Variants in TRIO observed in about 807,000 individuals in gnomAD.
TRIO encodes the protein triple functional domain protein.
A neutral mutation model predicts 351.9 loss-of-function variants in TRIO; 58 were observed. The ratio of observed to expected loss-of-function variants is 0.16; its 90% CI spans 0.13 to 0.21. TRIO has a LOEUF of 0.21. Among genes scored for constraint, TRIO ranks in the 10% least tolerant of loss-of-function variants. The pLI, the probability that TRIO is intolerant of heterozygous loss-of-function variation, is 1.00. For synonymous variants in TRIO, 1,758 were observed against 1,595.7 expected, an observed-to-expected ratio of 1.10 and a Z score of -2.42; for missense variants, 3,201 against 4,027.8, an observed-to-expected ratio of 0.79 and a Z score of 5.56.
intron 49 of TRIO, among the ~76,000 whole-genome samples, chr5:14,494,950 T>C (rs1173307254): frequency 1.3e-5 from 2 of 152,234 alleles, no homozygotes; most frequent in Non-Finnish European, 2.9e-5. Context: ...ATAGCTACCA[T>C]AGGCAGTGAT....
chr5:14,388,691 T>TG lies in TRIO; in HGVS notation c.3948+12_3948+13insG. ...GGGAATGTATGGATGTAAGTAAGTT[T>TG]TTTTTTTTTTTTTTTGCTTGTTTAT... On this transcript the variant is annotated intron_variant, in intron 24 of 56. Transcript: ENST00000344204. 3 of 1,437,866 alleles carry TG rather than the reference T, an allele frequency of 2.1e-6. No homozygotes were observed. The highest frequency in any genetic ancestry group is 2.8e-6 in the Non-Finnish European group (3 of 1,054,584). The allele number at this position is 1,437,866 out of a possible 1,614,324, so 89.1% of individuals were successfully genotyped here.
chr5:14,406,176 G>A (rs1748699541), intron 32 of TRIO, 186 bp downstream of exon 32: 2 of 913,960 alleles, frequency 2.2e-6, no homozygotes, highest in Non-Finnish European at 3.2e-6. Context: ...AGCCTCTATT[G>A]GCTTAGAGTA....
intron 1 of TRIO, among the ~76,000 whole-genome samples, chr5:14,197,217 C>A (rs916765802): frequency 6.6e-6 from 1 of 152,104 alleles, no homozygotes. Context: ...GCTGTGAGTC[C>A]CCTGGGCTGT....
chr5:14,166,195 G>A (rs1001541557), intron 1 of TRIO, among the ~76,000 whole-genome samples: 8 of 152,190 alleles, frequency 5.3e-5, no homozygotes, highest in Admixed American at 1.3e-4. Context: ...GACTTCACCT[G>A]GGGGTAAGCC....
At chr5:14,499,549 T>C (rs928367898) in intron 53 of TRIO, among the ~76,000 whole-genome samples, 3 of 152,230 alleles carry the variant, frequency 2.0e-5, no homozygotes, top group Admixed American at 2.0e-4. Context: ...TTAGAACTTT[T>C]GTCCCAGATA....
At chr5:14,236,699 A>G (rs1258352508) in intron 1 of TRIO, among the ~76,000 whole-genome samples, 1 of 152,212 alleles carries the variant, frequency 6.6e-6, no homozygotes, top group Non-Finnish European at 1.5e-5. Context: ...TTTGTGTAGC[A>G]GCTTTATTGA....
At position 14,154,486 on chromosome 5, in the gene TRIO, G is replaced by A. The variant is rs116294800; in HGVS notation, c.157+10604G>A. Among the ~76,000 whole-genome samples the A allele has an allele frequency of 7.0e-3, 1,072 of 152,166 alleles. 9 individuals carry two copies. Among genetic ancestry groups the A allele is most frequent in the African/African-American group, 0.024 (1,005 of 41,494 alleles). On this transcript the variant is annotated intron_variant, in intron 1 of 56. Coordinates refer to ENST00000344204, the MANE Select transcript of TRIO (RefSeq NM_007118.4). ...TGCTGTTTTTCATCAAAATGTGCAC[G>A]TAGATGATATTTAGTTGGGGGAAGC... is the stretch of plus-strand genomic sequence containing the variant.
chr5:14,283,287 C>T (rs1736161878), intron 3 of TRIO, among the ~76,000 whole-genome samples: 1 of 152,196 alleles, frequency 6.6e-6, no homozygotes, highest in South Asian at 2.1e-4. Context: ...GTGTCCAGTG[C>T]TTCCTCGTGC....
intron 2 of TRIO, 82 bp downstream of exon 2, chr5:14,270,981 C>A: frequency 1.1e-6 from 1 of 947,346 alleles, no homozygotes; most frequent in Non-Finnish European, 1.7e-6. Flanking sequence ...AACTCACCTG[C>A]CACAACATAT....
chr5:14,315,065 C>G (rs889152449), intron 8 of TRIO, among the ~76,000 whole-genome samples: 1 of 152,128 alleles, frequency 6.6e-6, no homozygotes, highest in East Asian at 1.9e-4. Flanking sequence ...GGCACAACTG[C>G]AGTTAGAAGA....
chr5:14,248,607 G>A (rs1794571915), intron 1 of TRIO, among the ~76,000 whole-genome samples: 1 of 152,192 alleles, frequency 6.6e-6, no homozygotes, highest in Admixed American at 6.5e-5. Context: ...CCTGAGGGGA[G>A]CCCCTTGCAA....
rs1396579137 is a variant in TRIO at position 14,510,098 on chromosome 5, A to C, written c.*1676A>C. On this transcript the variant is annotated 3_prime_UTR_variant, in exon 57 of 57. Transcript: ENST00000344204. ...CAGTTAAATTTTTACATTATTTTGC[A>C]TGTATATTTCTTTGTACAGAGACCT... 1.3e-5 allele frequency: 2 copies of C among 152,160 alleles called. No homozygotes were observed. The highest frequency in any genetic ancestry group is 2.9e-5 in the Non-Finnish European group (2 of 68,044). The allele number at this position is 152,160 out of a possible 1,614,324, so 9.4% of individuals were successfully genotyped here.
intron 1 of TRIO, among the ~76,000 whole-genome samples, chr5:14,149,011 G>T (rs897315671): frequency 1.6e-4 from 24 of 152,218 alleles, no homozygotes; most frequent in Non-Finnish European, 8.8e-5. Flanking sequence ...ACTTCCCAGT[G>T]ACCCTTGCAC....
chr5:14,432,890 C>T (rs1751290702), intron 34 of TRIO, among the ~76,000 whole-genome samples: 1 of 152,200 alleles, frequency 6.6e-6, no homozygotes. Context: ...TCCCCGCCAC[C>T]ATCAACCCTG....
rs540383553 is a variant in TRIO, at chr5:14,291,144, G to A, written c.969G>A (p.Gln323=). ...TGGACCGGCTGCACTCGACACGGCA[G>A]CATCTGCACCAGATGTGGCATGTGA... is the stretch of plus-strand genomic sequence containing the variant. ...TMLDRLHSTR[Q]HLHQMWHVRK... is the part of the protein sequence containing the mutation. Residue 323 remains glutamine, a synonymous_variant, in exon 5 of 57, where the codon CAG becomes CAA. Coordinates refer to ENST00000344204, the MANE Select transcript of TRIO (RefSeq NM_007118.4). 2 of 1,614,160 alleles carry A rather than the reference G, an allele frequency of 1.2e-6. No homozygotes were observed. The highest frequency in any genetic ancestry group is 1.7e-6 in the Non-Finnish European group (2 of 1,180,026).
At chr5:14,175,529 C>T (rs915926437) in intron 1 of TRIO, among the ~76,000 whole-genome samples, 2 of 152,078 alleles carry the variant, frequency 1.3e-5, no homozygotes, top group African/African-American at 4.8e-5. Context: ...AGAGATATGT[C>T]TAGATACAAA....
intron 1 of TRIO, among the ~76,000 whole-genome samples, chr5:14,154,495 A>G (rs1787995855): frequency 6.6e-6 from 1 of 151,992 alleles, no homozygotes; most frequent in Non-Finnish European, 1.5e-5. Context: ...CGTAGATGAT[A>G]TTTAGTTGGG....
At chr5:14,305,213 G>T (rs897186423) in intron 8 of TRIO, among the ~76,000 whole-genome samples, 3 of 152,234 alleles carry the variant, frequency 2.0e-5, no homozygotes, top group Non-Finnish European at 4.4e-5. Flanking sequence ...AGCTAGTGGA[G>T]CAGGGTTAGC....
At chr5:14,349,140 T>C (rs1230011010) in intron 11 of TRIO, among the ~76,000 whole-genome samples, 1 of 150,272 alleles carries the variant, frequency 6.7e-6, no homozygotes, top group East Asian at 2.0e-4. Context: ...ATGTTTTTCC[T>C]GCGTGTTTGT....
Sources: allele counts gnomAD v4.1 joint callset (sites outside exome capture counted in the v4.1 genomes callset), GRCh38; gene constraint gnomAD v4.1.1; transcripts MANE v1.5; gene names NCBI Gene and HGNC (gene_info 2026-07-23, HGNC 2026-07-21).